HPGDS: variants seen among roughly 807,000 people sequenced by gnomAD.
The protein encoded by HPGDS is hematopoietic prostaglandin D synthase.
In HPGDS, 26 loss-of-function variants were observed where a neutral mutation model predicts 23.1. The observed-to-expected ratio is 1.13, with a 90% CI of 0.83 to 1.56. The LOEUF is 1.56. Among genes scored for constraint, HPGDS ranks in the 40% most tolerant of loss-of-function variants. The probability of loss-of-function intolerance (pLI) is 0.00; values close to 1 mark genes in which losing one functional copy is unlikely to be tolerated. For synonymous variants in HPGDS, 95 were observed against 77.9 expected (o/e 1.22, Z -1.16); for missense variants, 268 against 236.4 (o/e 1.13, Z -0.88).
At chr4:94,333,353 C>A (rs1756765739) in intron 2 of HPGDS, among the ~76,000 whole-genome samples, 1 of 152,188 alleles carries the variant, frequency 6.6e-6, no homozygotes, top group Non-Finnish European at 1.5e-5. Flanking sequence ...ACGTATGCAA[C>A]TTTCTAGTAA....
At chr4:94,310,276 A>C (rs1756237584) in intron 3 of HPGDS, among the ~76,000 whole-genome samples, 1 of 152,198 alleles carries the variant, frequency 6.6e-6, no homozygotes, top group South Asian at 2.1e-4. Context: ...CTAACATTGA[A>C]GTCTTTAATC....
intron 3 of HPGDS, among the ~76,000 whole-genome samples, chr4:94,315,524 G>C (rs2126039406): frequency 6.6e-6 from 1 of 151,716 alleles, no homozygotes; most frequent in South Asian, 2.1e-4. Flanking sequence ...CATTATTTTT[G>C]GTAATAAATC....
At chr4:94,322,531 T>G (rs1756535894) in intron 2 of HPGDS, among the ~76,000 whole-genome samples, 1 of 152,210 alleles carries the variant, frequency 6.6e-6, no homozygotes, top group Non-Finnish European at 1.5e-5. Context: ...TTCTTCTAGA[T>G]TTTCTAGTTT....
At chr4:94,329,333 C>A (rs1756695350) in intron 2 of HPGDS, among the ~76,000 whole-genome samples, 1 of 152,158 alleles carries the variant, frequency 6.6e-6, no homozygotes, top group Non-Finnish European at 1.5e-5. Flanking sequence ...TCACTTGGAA[C>A]CCTTGCTCAG....
intron 2 of HPGDS, among the ~76,000 whole-genome samples, chr4:94,326,044 T>C (rs1199454962): frequency 9.9e-5 from 15 of 152,084 alleles, no homozygotes; most frequent in Admixed American, 3.9e-4. Context: ...AAATTTCTGC[T>C]GAGAAATCTG....
At chr4:94,309,123 T>C (rs146333418) in intron 3 of HPGDS, among the ~76,000 whole-genome samples, 1,788 of 151,204 alleles carry the variant, frequency 0.012, 36 homozygotes, top group African/African-American at 0.041. Flanking sequence ...ATTTATTTTT[T>C]TATTTTTTTA....
intron 4 of HPGDS, among the ~76,000 whole-genome samples, chr4:94,305,863 G>A (rs1160983331): frequency 6.6e-6 from 1 of 152,068 alleles, no homozygotes; most frequent in Non-Finnish European, 1.5e-5. Flanking sequence ...ATGAGGCTAT[G>A]GGATCTAAAT....
Position 94,302,170 on chromosome 4 carries a change from C to A in HPGDS, c.411G>T (p.Gly137=), listed in dbSNP as rs764951900. The A allele has an allele frequency of 1.2e-6, 2 of 1,610,768 alleles. No homozygotes were observed. The highest frequency in any genetic ancestry group is 2.2e-5 in the South Asian group (2 of 90,922). The change falls in exon 5 of 6, where the codon GGG becomes GGT. Residue 137 remains glycine (G), a synonymous_variant. Coordinates refer to ENST00000295256, the MANE Select transcript of HPGDS (RefSeq NM_014485.3). ...CAGAGTTACCAATAAGCCATTCTCT[C>A]CCCCCTAAATATGTGTCCAAGTCTT... is the stretch of plus-strand genomic sequence containing the variant. ...LMQDLDTYLG[G]REWLIGNSVT... is the part of the protein sequence containing the mutation.
At chr4:94,306,678 C>A (rs547912341) in intron 4 of HPGDS, among the ~76,000 whole-genome samples, 2 of 151,938 alleles carry the variant, frequency 1.3e-5, no homozygotes, top group African/African-American at 4.8e-5. Context: ...CCATTCTTAG[C>A]GGAAAACAGC....
chr4:94,339,079 T>G (rs1424578653), intron 1 of HPGDS, among the ~76,000 whole-genome samples: 7 of 152,198 alleles, frequency 4.6e-5, no homozygotes, highest in Non-Finnish European at 1.0e-4. Flanking sequence ...GTTCTGAGAC[T>G]GAAACTAGAC....
chr4:94,316,509 C>A (rs1209357639), intron 3 of HPGDS, among the ~76,000 whole-genome samples: 1 of 119,308 alleles, frequency 8.4e-6, no homozygotes, highest in Non-Finnish European at 1.8e-5. Context: ...AAATGCATAG[C>A]GGTAGTTATG....
intron 2 of HPGDS, among the ~76,000 whole-genome samples, chr4:94,332,148 G>A (rs1756746472): frequency 6.6e-6 from 1 of 152,126 alleles, no homozygotes; most frequent in Non-Finnish European, 1.5e-5. Flanking sequence ...AGAGATGGCT[G>A]GACTTCGGAG....
chr4:94,337,029 A>G (rs1451081418), intron 1 of HPGDS, among the ~76,000 whole-genome samples: 3 of 152,100 alleles, frequency 2.0e-5, no homozygotes, highest in Non-Finnish European at 4.4e-5. Flanking sequence ...CAGTGGCTCA[A>G]TCTGGGCTCA....
chr4:94,324,254 C>T (rs1054394774), intron 2 of HPGDS, among the ~76,000 whole-genome samples: 2 of 152,104 alleles, frequency 1.3e-5, no homozygotes, highest in African/African-American at 4.8e-5. Context: ...TTGTTCTTCT[C>T]AAGGAATGTC....
intron 4 of HPGDS, among the ~76,000 whole-genome samples, chr4:94,304,584 C>T (rs1370642920): frequency 6.6e-6 from 1 of 152,020 alleles, no homozygotes; most frequent in Admixed American, 6.6e-5. Flanking sequence ...CAATGTAGCC[C>T]ACTACCAACA....
At chr4:94,338,522 C>T (rs1186221766) in intron 1 of HPGDS, among the ~76,000 whole-genome samples, 1 of 152,122 alleles carries the variant, frequency 6.6e-6, no homozygotes, top group African/African-American at 2.4e-5. Context: ...CATTTGTGAT[C>T]AAAATTCTTA....
intron 2 of HPGDS, among the ~76,000 whole-genome samples, chr4:94,319,129 A>T (rs1756453706): frequency 6.6e-6 from 1 of 152,146 alleles, no homozygotes; most frequent in African/African-American, 2.4e-5. Context: ...CTGACAGGGA[A>T]GTGTTGACAT....
rs187272032 is a variant in HPGDS, at chr4:94,312,340, C to T, written c.227-3597G>A. On this transcript the variant is annotated intron_variant, in intron 3 of 5. Coordinates refer to ENST00000295256, the MANE Select transcript of HPGDS (RefSeq NM_014485.3). ...TCCCAGAGATTCTGGTACGTTGTGT[C>T]TTTGTTCTCATTGGTTTCAAAGAAC... 3.8e-3 allele frequency among the ~76,000 whole-genome samples: 582 copies of T among 152,276 alleles called. 2 individuals carry two copies. Among genetic ancestry groups the T allele is most frequent in the African/African-American group, 0.012 (519 of 41,558 alleles).
intron 4 of HPGDS, among the ~76,000 whole-genome samples, chr4:94,308,129 C>T (rs1054028292): frequency 6.6e-6 from 1 of 152,078 alleles, no homozygotes. Flanking sequence ...TTCATTTACA[C>T]CTTATACACA....
Sources: gnomAD v4.1 joint callset for allele counts (sites outside exome capture counted in the v4.1 genomes callset) on GRCh38, gnomAD v4.1.1 for gene constraint, MANE v1.5 for transcripts, NCBI Gene and HGNC (gene_info 2026-07-23, HGNC 2026-07-21) for gene names.